Variants in HIVEP3 observed in about 807,000 individuals in gnomAD.
HIVEP3 encodes the protein transcription factor HIVEP3.
Under a neutral mutation model 152.8 loss-of-function variants are expected in HIVEP3, and 49 were observed. That is an observed-to-expected ratio of 0.32 (90% CI 0.26 to 0.41). HIVEP3 has a LOEUF of 0.41. Among genes scored for constraint, HIVEP3 ranks in the 10% least tolerant of loss-of-function variants. The pLI, the probability that HIVEP3 is intolerant of heterozygous loss-of-function variation, is 1.00. For missense variants in HIVEP3, 2,790 were observed against 3,103.3 expected, an observed-to-expected ratio of 0.90 and a Z score of 2.40; for synonymous variants, 1,269 against 1,289.0, an observed-to-expected ratio of 0.98 and a Z score of 0.33.
At position 41,583,528 on chromosome 1, in the gene HIVEP3, G is replaced by A; in HGVS notation, c.1270C>T (p.Arg424Ter). 6.2e-7 allele frequency: 1 copy of A among 1,614,094 alleles called. No individual in the cohort carries two copies. The highest frequency in any genetic ancestry group is 8.5e-7 in the Non-Finnish European group (1 of 1,180,010). The change falls in exon 4 of 9, where the codon CGA (arginine) becomes TGA (stop). Residue 424 changes from arginine to a stop codon, truncating the protein, a stop_gained. Transcript: ENST00000372583. LOFTEE classifies it high-confidence loss of function. The surrounding 1 kb of genome is among the most constrained non-coding windows in gnomAD (Gnocchi z 6.9). ...YAEIIFGKCG[R>*]IGQRTAMLTA... ...AGCATGGCGGTCCGCTGTCCTATTC[G>A]CCCACACTTGCCAAAGATGATCTCA...
At chr1:41,548,059 C>T (rs1643847387) in intron 5 of HIVEP3, among the ~76,000 whole-genome samples, 1 of 152,146 alleles carries the variant, frequency 6.6e-6, no homozygotes, top group South Asian at 2.1e-4. Flanking sequence ...TGTTAACTGC[C>T]CCAATCCTCA....
intron 2 of HIVEP3, among the ~76,000 whole-genome samples, chr1:41,697,280 C>T (rs996448244): frequency 1.3e-5 from 2 of 152,192 alleles, no homozygotes; most frequent in Non-Finnish European, 2.9e-5. Flanking sequence ...TAGCTTTCCA[C>T]CCACAGCGCA....
At chr1:41,609,559 C>T (rs1178531400) in intron 3 of HIVEP3, among the ~76,000 whole-genome samples, 3 of 152,238 alleles carry the variant, frequency 2.0e-5, no homozygotes, top group Non-Finnish European at 4.4e-5. Flanking sequence ...GAAAGGGTTC[C>T]ACCCCATCCT....
intron 1 of HIVEP3, among the ~76,000 whole-genome samples, chr1:41,865,268 C>G (rs760461800): frequency 5.3e-5 from 8 of 152,336 alleles, no homozygotes; most frequent in Non-Finnish European, 1.2e-4. Flanking sequence ...TCAGATGGGA[C>G]AGACAGGAGA....
rs902361913 is a variant in HIVEP3 at position 41,725,583 on chromosome 1, C to T, written c.-800-24588G>A. The stretch of plus-strand genomic sequence containing the variant: ...ATGGGCAGAAGCTGGGATGAAAGGC[C>T]CAGACACATAGGACTGATAAAGCAA... On this transcript the variant is annotated intron_variant, in intron 1 of 8. Transcript: ENST00000372583. Among the ~76,000 whole-genome samples, 12 of 152,232 alleles carry T rather than the reference C, an allele frequency of 7.9e-5. No homozygotes were observed. In the South Asian group the frequency reaches 1.0e-3, roughly 13 times the overall value.
At chr1:41,963,977 T>G (rs1033779510) in intron 1 of HIVEP3, among the ~76,000 whole-genome samples, 2 of 152,180 alleles carry the variant, frequency 1.3e-5, no homozygotes, top group Non-Finnish European at 2.9e-5. Context: ...ATGAAGGTGT[T>G]ATGGATTGAA....
intron 2 of HIVEP3, among the ~76,000 whole-genome samples, chr1:41,634,156 AG>A (rs1645236932): frequency 6.6e-6 from 1 of 152,296 alleles, no homozygotes; most frequent in Admixed American, 6.5e-5. Flanking sequence ...AATCACTCAA[AG>A]GAAATAAGAA....
rs531004443 is a variant in HIVEP3, at chr1:41,743,829, C to T, written c.-800-42834G>A. ...GAATGCCGGCCATCAGGCACCTTTG[C>T]GTAAATGTGGGCAAACCTGGTCAAG... On this transcript the variant is annotated intron_variant, in intron 1 of 8. Coordinates refer to ENST00000372583, the MANE Select transcript of HIVEP3 (RefSeq NM_024503.5). Among the ~76,000 whole-genome samples the T allele has an allele frequency of 1.4e-3, 211 of 152,110 alleles. 1 individual carries two copies. Among genetic ancestry groups the T allele is most frequent in the Middle Eastern group, 6.8e-3 (2 of 294 alleles).
At chr1:41,795,808 TG>T (rs1649950541) in intron 1 of HIVEP3, among the ~76,000 whole-genome samples, 1 of 152,244 alleles carries the variant, frequency 6.6e-6, no homozygotes, top group African/African-American at 2.4e-5. Context: ...CATCTTTTTT[TG>T]TCTTGCTTTG....
At chr1:41,541,161 G>T (rs902091443) in intron 5 of HIVEP3, among the ~76,000 whole-genome samples, 1 of 152,152 alleles carries the variant, frequency 6.6e-6, no homozygotes, top group Non-Finnish European at 1.5e-5. Flanking sequence ...GCAAGCACCC[G>T]CCCATGGAGG....
chr1:41,546,232 C>T (rs1236487349), intron 5 of HIVEP3, among the ~76,000 whole-genome samples: 2 of 152,152 alleles, frequency 1.3e-5, no homozygotes, highest in Non-Finnish European at 1.5e-5. Flanking sequence ...TGAAGTTGTT[C>T]GAGGTCCCTC....
At chr1:41,994,431 T>G (rs111842466) in intron 1 of HIVEP3, among the ~76,000 whole-genome samples, 1,903 of 152,238 alleles carry the variant, frequency 0.013, 37 homozygotes, top group African/African-American at 0.044. Context: ...TAATTCCCAA[T>G]GTTGGGAAAG....
At chr1:41,636,587 T>C (rs1169678079) in intron 2 of HIVEP3, among the ~76,000 whole-genome samples, 26 of 152,166 alleles carry the variant, frequency 1.7e-4, no homozygotes, top group Admixed American at 1.7e-3. Context: ...ATATCCATAA[T>C]ATGTAATAAG....
At chr1:41,636,966 A>G (rs539304949) in intron 2 of HIVEP3, among the ~76,000 whole-genome samples, 2 of 151,956 alleles carry the variant, frequency 1.3e-5, no homozygotes, top group South Asian at 4.2e-4. Context: ...TCTCAAAAAA[A>G]AAAAAAAAAA....
chr1:41,557,368 C>T (rs1643982906), intron 5 of HIVEP3, among the ~76,000 whole-genome samples: 2 of 152,072 alleles, frequency 1.3e-5, no homozygotes, highest in African/African-American at 4.8e-5. Flanking sequence ...CAGAGGGACA[C>T]AGAGGTGGGC....
chr1:41,761,752 G>A (rs751459490), intron 1 of HIVEP3, among the ~76,000 whole-genome samples: 5 of 152,228 alleles, frequency 3.3e-5, no homozygotes, highest in Non-Finnish European at 7.3e-5. Context: ...GTGAGTGCAT[G>A]GGTGTATATG....
chr1:42,030,134 G>C (rs1462148629), intron 1 of HIVEP3, among the ~76,000 whole-genome samples: 1 of 152,052 alleles, frequency 6.6e-6, no homozygotes, highest in Non-Finnish European at 1.5e-5. Context: ...AGGAACCCTT[G>C]GCTTTATACC....
intron 2 of HIVEP3, among the ~76,000 whole-genome samples, chr1:41,645,351 A>G (rs1217879034): frequency 6.6e-6 from 1 of 152,190 alleles, no homozygotes; most frequent in Non-Finnish European, 1.5e-5. Flanking sequence ...CCTAGAAGAG[A>G]AGGAAGTAGG....
intron 1 of HIVEP3, among the ~76,000 whole-genome samples, chr1:41,974,892 C>A (rs1276541738): frequency 6.6e-6 from 1 of 152,092 alleles, no homozygotes; most frequent in East Asian, 1.9e-4. Context: ...GGTGCATGGC[C>A]ATTATCTCCA....
Sources: gnomAD v4.1 joint callset for allele counts (sites outside exome capture counted in the v4.1 genomes callset) on GRCh38, gnomAD v4.1.1 for gene constraint, Gnocchi (gnomAD v3.1) non-coding constraint, MANE v1.5 for transcripts, NCBI Gene and HGNC (gene_info 2026-07-23, HGNC 2026-07-21) for gene names.